MAP3K7CL: variants seen among roughly 807,000 people sequenced by gnomAD.
The protein encoded by MAP3K7CL is MAP3K7 C-terminal-like protein.
MAP3K7CL carries 16 observed loss-of-function variants against 18.6 expected under a neutral mutation model. The ratio of observed to expected loss-of-function variants is 0.86; its 90% CI spans 0.58 to 1.31. The LOEUF (loss-of-function observed/expected upper bound fraction) is 1.31, where lower values mean the gene tolerates loss of function less well. Among genes scored for constraint, MAP3K7CL ranks in the 50% most tolerant of loss-of-function variants. The pLI is 0.00. For synonymous variants in MAP3K7CL, 65 were observed against 66.8 expected (o/e 0.97, Z 0.13); for missense variants, 163 against 174.4 (o/e 0.93, Z 0.37).
At chr21:29,148,550 G>A (rs917856123) in intron 2 of MAP3K7CL, among the ~76,000 whole-genome samples, 7 of 152,180 alleles carry the variant, frequency 4.6e-5, no homozygotes, top group African/African-American at 1.7e-4. Flanking sequence ...CATGAGTTAG[G>A]AGGTCTTTCG....
At chr21:29,090,987 C>T (rs1254538195) in intron 1 of MAP3K7CL, among the ~76,000 whole-genome samples, 1 of 152,172 alleles carries the variant, frequency 6.6e-6, no homozygotes, top group African/African-American at 2.4e-5. Flanking sequence ...TTTATCATTT[C>T]AACATTTTGT....
intron 4 of MAP3K7CL, among the ~76,000 whole-genome samples, chr21:29,105,471 T>C (rs1360754871): frequency 1.3e-5 from 2 of 152,186 alleles, no homozygotes; most frequent in Non-Finnish European, 2.9e-5. Flanking sequence ...GTTATACCTA[T>C]AAAGGAATAA....
chr21:29,125,298 A>T (rs1056235299), intron 4 of MAP3K7CL, among the ~76,000 whole-genome samples: 1 of 152,234 alleles, frequency 6.6e-6, no homozygotes, highest in Admixed American at 6.5e-5. Context: ...GTCCTACATG[A>T]GTAAGAGACA....
intron 4 of MAP3K7CL, among the ~76,000 whole-genome samples, chr21:29,112,799 G>C (rs1029578042): frequency 2.0e-5 from 3 of 151,694 alleles, no homozygotes; most frequent in Admixed American, 6.6e-5. Flanking sequence ...TTTCCTCCCA[G>C]CAAACGAGAC....
intron 1 of MAP3K7CL, among the ~76,000 whole-genome samples, chr21:29,131,936 G>A (rs140429026): frequency 2.0e-5 from 3 of 152,324 alleles, no homozygotes; most frequent in East Asian, 1.9e-4. Flanking sequence ...AAACCGTGCT[G>A]TGAGAAAATG....
At chr21:29,095,077 A>C (rs1402090162) in intron 4 of MAP3K7CL, among the ~76,000 whole-genome samples, 2 of 115,180 alleles carry the variant, frequency 1.7e-5, no homozygotes, top group Admixed American at 2.0e-4. Context: ...AGGAAAGGGA[A>C]GGGGAGGGGA....
At chr21:29,124,894 G>C (rs928951976) in intron 4 of MAP3K7CL, among the ~76,000 whole-genome samples, 5 of 152,200 alleles carry the variant, frequency 3.3e-5, no homozygotes, top group Admixed American at 2.0e-4. Context: ...GCAGAGATGA[G>C]TAATTGTAAC....
intron 1 of MAP3K7CL, 40 bp downstream of exon 1, chr21:29,130,963 T>A (rs1568952257): frequency 1.0e-6 from 1 of 972,196 alleles, no homozygotes; most frequent in East Asian, 1.1e-4. Context: ...AATGCTCAGA[T>A]CAGCAGCAAC....
chr21:29,117,125 A>ATAATT (rs1159556577), intron 4 of MAP3K7CL, among the ~76,000 whole-genome samples: 1 of 152,094 alleles, frequency 6.6e-6, no homozygotes, highest in Non-Finnish European at 1.5e-5. Context: ...TCTATTTGAC[A>ATAATT]TAATTTAATT....
In MAP3K7CL at chr21:29,160,075, C is replaced by T. The variant is rs1337367476; in HGVS notation, c.248+19C>T. On this transcript the variant is annotated intron_variant, in intron 4 of 4. Transcript: ENST00000399928. Reference sequence around the variant, plus strand: ...AAAGGAAGTAAGTACCTACCCCCCTCACTCTACATCTGAGCACTGCCTACT... The same window carrying T: ...AAAGGAAGTAAGTACCTACCCCCCTTACTCTACATCTGAGCACTGCCTACT... The T allele has an allele frequency of 3.8e-6, 6 of 1,586,330 alleles. No homozygotes were observed. Among genetic ancestry groups the T allele is most frequent in the Admixed American group, 1.7e-5 (1 of 59,876 alleles).
chr21:29,091,433 T>A lies in MAP3K7CL; in HGVS notation c.58-68T>A, dbSNP rs1601132336. The A allele has an allele frequency of 4.8e-6, 3 of 619,258 alleles. No individual in the cohort carries two copies. In the East Asian group the frequency reaches 8.2e-5, roughly 17 times the overall value. The allele number at this position is 619,258 out of a possible 1,614,324, so 38.4% of individuals were successfully genotyped here. ...AATGAGGTATAGCTCTTAATAAAAG[T>A]CCTTCAATTTTATTTTCCTGAGTGT... On this transcript the variant is annotated intron_variant, in intron 1 of 6. Coordinates refer to the MAP3K7CL transcript ENST00000286791.
intron 4 of MAP3K7CL, among the ~76,000 whole-genome samples, chr21:29,125,117 T>TG (rs768042958): frequency 4.6e-4 from 70 of 152,280 alleles, no homozygotes; most frequent in Admixed American, 1.6e-3. Context: ...TTTGCCCCCT[T>TG]GAAAAAATGA....
intron 4 of MAP3K7CL, among the ~76,000 whole-genome samples, chr21:29,166,373 A>G (rs911389283): frequency 2.6e-5 from 4 of 152,178 alleles, no homozygotes; most frequent in Admixed American, 6.5e-5. Flanking sequence ...ATTCCATTGT[A>G]TAGATATATC....
At chr21:29,128,065 A>T (rs1279461972), upstream of MAP3K7CL, 2 of 152,258 alleles carry the variant, frequency 1.3e-5, no homozygotes, top group African/African-American at 4.8e-5. Context: ...TGTCACCACC[A>T]GCTTTTCTGA....
intron 2 of MAP3K7CL, among the ~76,000 whole-genome samples, chr21:29,135,561 A>G (rs1173162590): frequency 1.3e-5 from 2 of 152,146 alleles, no homozygotes; most frequent in African/African-American, 2.4e-5. Context: ...TATGTACAGA[A>G]AAGAGCCATG....
intron 2 of MAP3K7CL, among the ~76,000 whole-genome samples, chr21:29,144,089 T>C (rs1220238129): frequency 6.6e-6 from 1 of 152,102 alleles, no homozygotes. Context: ...TTTTGAATCA[T>C]CTTCACTAGC....
At chr21:29,140,562 A>G (rs2086983638) in intron 2 of MAP3K7CL, among the ~76,000 whole-genome samples, 1 of 152,224 alleles carries the variant, frequency 6.6e-6, no homozygotes, top group African/African-American at 2.4e-5. Flanking sequence ...CTGTTACTTC[A>G]TTGCCCATTT....
At chr21:29,164,486 C>T (rs1222797147) in intron 4 of MAP3K7CL, among the ~76,000 whole-genome samples, 3 of 152,228 alleles carry the variant, frequency 2.0e-5, no homozygotes, top group African/African-American at 7.2e-5. Context: ...GTCGTTCAGA[C>T]ACTGCTTAAG....
chr21:29,163,211 A>G (rs2087597539), intron 4 of MAP3K7CL, among the ~76,000 whole-genome samples: 1 of 152,224 alleles, frequency 6.6e-6, no homozygotes, highest in Non-Finnish European at 1.5e-5. Flanking sequence ...CAGACCACAT[A>G]CAAGTGGGCC....
Sources: gnomAD v4.1 joint callset for allele counts (sites outside exome capture counted in the v4.1 genomes callset) on GRCh38, gnomAD v4.1.1 for gene constraint, MANE v1.5 for transcripts, NCBI Gene and HGNC (gene_info 2026-07-23, HGNC 2026-07-21) for gene names.